The following CFAP96 variants were observed in gnomAD, a reference collection of about 807,000 sequenced individuals.
CFAP96 encodes cilia and flagella associated protein 96.
chr4:185,414,582 G>C, the CFAP96 span, among the ~76,000 whole-genome samples: 4 of 152,168 alleles, frequency 2.6e-5, no homozygotes, highest in African/African-American at 9.7e-5. Flanking sequence ...TTAGGAAGAT[G>C]CTCCACGGTC....
the CFAP96 span, chr4:185,429,534 A>G: frequency 3.8e-5 from 49 of 1,300,522 alleles, no homozygotes; most frequent in Non-Finnish European, 5.1e-5. Context: ...GCTTTTCTCT[A>G]TGGACGAATA....
chr4:185,436,942 G>C, the CFAP96 span, among the ~76,000 whole-genome samples: 2 of 151,986 alleles, frequency 1.3e-5, no homozygotes, highest in Non-Finnish European at 2.9e-5. Flanking sequence ...CTGTAAACTA[G>C]CTGTGAAACT....
the CFAP96 span, among the ~76,000 whole-genome samples, chr4:185,437,337 A>G: frequency 6.6e-6 from 1 of 152,224 alleles, no homozygotes; most frequent in Non-Finnish European, 1.5e-5. Flanking sequence ...AAATAAAGGA[A>G]CCCTTATAAA....
chr4:185,424,241 T>C, the CFAP96 span, among the ~76,000 whole-genome samples: 1 of 151,900 alleles, frequency 6.6e-6, no homozygotes, highest in African/African-American at 2.4e-5. Flanking sequence ...GGGAGGTCAA[T>C]GCTACAGTGA....
At chr4:185,449,779 TCTTC>T in the CFAP96 span, 7 of 533,104 alleles carry the variant, frequency 1.3e-5, no homozygotes, top group Middle Eastern at 4.5e-4. Flanking sequence ...ACTCTAATTC[TCTTC>T]CTTATTTTAA....
At chr4:185,436,317 A>G in the CFAP96 span, 43 of 1,551,210 alleles carry the variant, frequency 2.8e-5, no homozygotes, top group Middle Eastern at 3.3e-4. Flanking sequence ...AACAGTTTTC[A>G]CACTCTGCCG....
chr4:185,445,333 G>A, the CFAP96 span: 1 of 721,682 alleles, frequency 1.4e-6, no homozygotes, highest in African/African-American at 1.8e-5. Context: ...TCCCAGCTGA[G>A]AAAGCTTAAG....
the CFAP96 span, among the ~76,000 whole-genome samples, chr4:185,427,064 CAA>C: frequency 3.3e-3 from 446 of 135,964 alleles, 3 homozygotes; most frequent in South Asian, 0.012. Context: ...GACTCCGTCT[CAA>C]AAAAAAAAAA....
At chr4:185,410,239 C>T in the CFAP96 span, among the ~76,000 whole-genome samples, 3 of 151,802 alleles carry the variant, frequency 2.0e-5, no homozygotes, top group South Asian at 6.2e-4. Flanking sequence ...AAAGAAAAAC[C>T]ATAATAGAAA....
chr4:185,431,858 C>G, the CFAP96 span: 1 of 750,142 alleles, frequency 1.3e-6, no homozygotes, highest in Non-Finnish European at 2.2e-6. Context: ...TGTTTTGAAA[C>G]AGTGCTTTAG....
chr4:185,411,297 G>A, the CFAP96 span, among the ~76,000 whole-genome samples: 16 of 151,952 alleles, frequency 1.1e-4, no homozygotes, highest in Non-Finnish European at 1.9e-4. Context: ...AAAATGCTAC[G>A]CCAAAATTGT....
At chr4:185,412,556 TAGCCAGGC>T in the CFAP96 span, among the ~76,000 whole-genome samples, 1 of 152,160 alleles carries the variant, frequency 6.6e-6, no homozygotes, top group African/African-American at 2.4e-5. Flanking sequence ...GGTGCAGAGT[TAGCCAGGC>T]AGCCAGGAGC....
the CFAP96 span, among the ~76,000 whole-genome samples, chr4:185,423,509 C>T: frequency 1.3e-5 from 2 of 152,034 alleles, no homozygotes; most frequent in African/African-American, 2.4e-5. Flanking sequence ...ATCTGAAAAA[C>T]ACACAAAGAT....
At chr4:185,421,724 C>G in the CFAP96 span, among the ~76,000 whole-genome samples, 1 of 152,204 alleles carries the variant, frequency 6.6e-6, no homozygotes, top group Admixed American at 6.5e-5. Context: ...GCAAAACAGA[C>G]TAATACAGTA....
chr4:185,417,105 T>C, the CFAP96 span, among the ~76,000 whole-genome samples: 73 of 152,298 alleles, frequency 4.8e-4, no homozygotes, highest in African/African-American at 1.6e-3. Context: ...GAAGTTAACC[T>C]CACCAATAAT....
At chr4:185,443,342 A>ATATATATTTTTTTTTTTTTT in the CFAP96 span, among the ~76,000 whole-genome samples, 4 of 26,728 alleles carry the variant, frequency 1.5e-4, no homozygotes, top group Non-Finnish European at 2.2e-4. Context: ...ATATATATAT[A>ATATATATTTTTTTTTTTTTT]TTTTTTTTTT....
chr4:185,428,568 A>AC, the CFAP96 span, among the ~76,000 whole-genome samples: 533 of 28,646 alleles, frequency 0.019, 3 homozygotes, highest in East Asian at 0.061. Flanking sequence ...AAAAAAAAAA[A>AC]AACAACAACA....
the CFAP96 span, among the ~76,000 whole-genome samples, chr4:185,425,599 A>G: frequency 6.6e-6 from 1 of 152,242 alleles, no homozygotes; most frequent in Admixed American, 6.5e-5. Context: ...AAAACGCCGA[A>G]GTCTCTCAAA....
chr4:185,414,024 G>T, the CFAP96 span: 1 of 634,502 alleles, frequency 1.6e-6, no homozygotes, highest in Non-Finnish European at 2.4e-6. Context: ...ATCAAAGATG[G>T]TGAAAACTGA....
Sources: gnomAD v4.1 joint callset for allele counts (sites outside exome capture counted in the v4.1 genomes callset) on GRCh38, gnomAD v4.1.1 for gene constraint, MANE v1.5 for transcripts, NCBI Gene and HGNC (gene_info 2026-07-23, HGNC 2026-07-21) for gene names.